ARNT: variants seen among roughly 807,000 people sequenced by gnomAD.
ARNT encodes class E basic helix-loop-helix protein 2.
In ARNT, 30 loss-of-function variants were observed where a neutral mutation model predicts 105.0. That is an observed-to-expected ratio of 0.29 (90% CI 0.21 to 0.39). The LOEUF (loss-of-function observed/expected upper bound fraction) is 0.39. ARNT is among the 10% of genes least tolerant of loss of function. ARNT has a pLI of 1.00. For synonymous variants in ARNT, 304 were observed against 344.0 expected (o/e 0.88, Z 1.29); for missense variants, 748 against 978.7 (o/e 0.76, Z 3.15).
rs1654781196 is a variant in ARNT at position 150,811,789 on chromosome 1, C to A, written c.*232G>T. 5.8e-6 allele frequency: 2 copies of A among 343,518 alleles called. No individual in the cohort carries two copies. Among genetic ancestry groups the A allele is most frequent in the South Asian group, 2.7e-4 (2 of 7,378 alleles). 21.3% of individuals were successfully genotyped at this position (343,518 alleles called of 1,614,324 possible). ...GGAAAGGTGTTTTAACTTCACCCAG[C>A]CTCAAATTTTCAGACAGTCCTAAAA... On this transcript the variant is annotated 3_prime_UTR_variant, in exon 22 of 22. Transcript: ENST00000358595.
chr1:150,832,479 G>A, intron 8 of ARNT, 80 bp from the exon 9 acceptor site: 2 of 1,307,422 alleles, frequency 1.5e-6, no homozygotes, highest in Non-Finnish European at 2.2e-6. Flanking sequence ...AGAATAACAT[G>A]CTCTGGATAC....
intron 12 of ARNT, among the ~76,000 whole-genome samples, chr1:150,827,316 C>A (rs745497037): frequency 6.6e-6 from 1 of 152,164 alleles, no homozygotes; most frequent in Non-Finnish European, 1.5e-5. Flanking sequence ...TCCCTTGTGC[C>A]ATCTGCAGTC....
At chr1:150,855,159 A>G (rs1664361211) in intron 2 of ARNT, among the ~76,000 whole-genome samples, 1 of 152,182 alleles carries the variant, frequency 6.6e-6, no homozygotes, top group African/African-American at 2.4e-5. Context: ...GTTTAGGTAC[A>G]AAGAAGTTCT....
intron 2 of ARNT, chr1:150,853,280 T>TAA: frequency 2.7e-6 from 1 of 372,324 alleles, no homozygotes; most frequent in Non-Finnish European, 5.3e-6. Context: ...AGACTCCATC[T>TAA]CAAAAAAAAA....
intron 5 of ARNT, among the ~76,000 whole-genome samples, chr1:150,841,154 G>A (rs1661239443): frequency 6.7e-6 from 1 of 149,980 alleles, no homozygotes; most frequent in Non-Finnish European, 1.5e-5. Flanking sequence ...GTTTCACCAA[G>A]TTGGCCAGGA....
intron 19 of ARNT, 119 bp downstream of exon 19, chr1:150,816,140 C>T: frequency 1.6e-6 from 2 of 1,278,760 alleles, no homozygotes; most frequent in East Asian, 2.7e-5. Flanking sequence ...AAATTGGAAA[C>T]CGGAGAACAG....
At chr1:150,870,875 A>G (rs1667316896) in intron 1 of ARNT, among the ~76,000 whole-genome samples, 1 of 151,782 alleles carries the variant, frequency 6.6e-6, no homozygotes, top group Admixed American at 6.6e-5. Flanking sequence ...TGGAGGGAAA[A>G]TATAAAATGG....
At chr1:150,823,104 T>C in intron 14 of ARNT, 90 bp downstream of exon 14, 3 of 1,293,532 alleles carry the variant, frequency 2.3e-6, no homozygotes, top group Non-Finnish European at 3.0e-6. Context: ...TGTTGCTTGA[T>C]TGTTTACCCC....
At chr1:150,855,280 C>T (rs934709294) in intron 2 of ARNT, among the ~76,000 whole-genome samples, 2 of 152,070 alleles carry the variant, frequency 1.3e-5, no homozygotes, top group South Asian at 2.1e-4. Flanking sequence ...TATGGCTGTG[C>T]GCAGTGGCTC....
At position 150,810,632 on chromosome 1, in the gene ARNT, T is replaced by TA. The variant is rs71645814; in HGVS notation, c.*1388dup. The TA allele has an allele frequency of 0.014, 2,254 of 162,604 alleles. 1 individual carries two copies. Among genetic ancestry groups the TA allele is most frequent in the Middle Eastern group, 0.026 (12 of 466 alleles). The allele number at this position is 162,604 out of a possible 1,614,324, so 10.1% of individuals were successfully genotyped here. ...CTTTAGCTACTGGCCAAAGCCAATT[T>TA]AAAAAAAAAAAAAAAAAAGCTGGTA... is the stretch of plus-strand genomic sequence containing the variant. On this transcript the variant is annotated 3_prime_UTR_variant, in exon 22 of 22. Coordinates refer to ENST00000358595, the MANE Select transcript of ARNT (RefSeq NM_001668.4).
chr1:150,831,782 TA>T, intron 10 of ARNT, 35 bp downstream of exon 10: 1 of 1,472,980 alleles, frequency 6.8e-7, no homozygotes, highest in Non-Finnish European at 9.5e-7. Context: ...GAACCAACTG[TA>T]CCAAGGGGAA....
At chr1:150,817,236 G>A (rs1000731584) in intron 16 of ARNT, 34 bp from the exon 17 acceptor site, 4 of 1,613,192 alleles carry the variant, frequency 2.5e-6, no homozygotes, top group Non-Finnish European at 2.5e-6. Context: ...AACCATTAAA[G>A]ATTTAACATG....
intron 4 of ARNT, among the ~76,000 whole-genome samples, chr1:150,844,089 T>C (rs1214341190): frequency 6.6e-6 from 1 of 152,226 alleles, no homozygotes; most frequent in Admixed American, 6.5e-5. Context: ...CAATAATAAC[T>C]GATGGCCTGA....
At chr1:150,874,312 AG>A (rs1261386962) in intron 1 of ARNT, among the ~76,000 whole-genome samples, 6 of 152,234 alleles carry the variant, frequency 3.9e-5, no homozygotes, top group Non-Finnish European at 8.8e-5. Flanking sequence ...AAGGGAGAAA[AG>A]AAAAAAGAAA....
chr1:150,849,577 G>C (rs1662928448), intron 3 of ARNT, among the ~76,000 whole-genome samples: 1 of 151,992 alleles, frequency 6.6e-6, no homozygotes, highest in East Asian at 1.9e-4. Flanking sequence ...CTTGAGCACA[G>C]GAGTTTAAGA....
chr1:150,862,836 A>T (rs1169780959), intron 1 of ARNT, among the ~76,000 whole-genome samples: 1 of 151,904 alleles, frequency 6.6e-6, no homozygotes, highest in Non-Finnish European at 1.5e-5. Flanking sequence ...GCAGATCACG[A>T]CATCAGGAGT....
At chr1:150,819,251 G>A (rs1226611091) in intron 14 of ARNT, among the ~76,000 whole-genome samples, 2 of 151,774 alleles carry the variant, frequency 1.3e-5, no homozygotes, top group Non-Finnish European at 2.9e-5. Flanking sequence ...AATAACAAGT[G>A]TTAACAAGGA....
intron 3 of ARNT, among the ~76,000 whole-genome samples, chr1:150,850,801 G>A (rs587766022): frequency 2.1e-3 from 320 of 151,038 alleles, no homozygotes; most frequent in Non-Finnish European, 3.5e-3. Flanking sequence ...ACTGAGGAGC[G>A]CCTCTTCCCG....
At chr1:150,845,387 G>C (rs966020447) in intron 4 of ARNT, among the ~76,000 whole-genome samples, 1 of 149,966 alleles carries the variant, frequency 6.7e-6, no homozygotes, top group Admixed American at 6.7e-5. Context: ...AATCGCTTGA[G>C]GTGAGGAGTT....
Sources: gnomAD v4.1 joint callset for allele counts (sites outside exome capture counted in the v4.1 genomes callset) on GRCh38, gnomAD v4.1.1 for gene constraint, MANE v1.5 for transcripts, NCBI Gene and HGNC (gene_info 2026-07-23, HGNC 2026-07-21) for gene names.